TRHDE: variants seen among roughly 807,000 people sequenced by gnomAD.
TRHDE encodes the protein thyrotropin releasing hormone degrading enzyme.
TRHDE carries 72 observed loss-of-function variants against 125.7 expected under a neutral mutation model. The ratio of observed to expected loss-of-function variants is 0.57; its 90% CI spans 0.47 to 0.70. The LOEUF is 0.70. Among genes scored for constraint, TRHDE ranks in the 30% least tolerant of loss-of-function variants. TRHDE has a pLI of 0.00. For missense variants in TRHDE, 1,110 were observed against 1,327.1 expected (o/e 0.84, Z 2.54); for synonymous variants, 509 against 509.1 (o/e 1.00, Z 0.00).
intron 3 of TRHDE, among the ~76,000 whole-genome samples, chr12:72,466,039 A>G (rs1284448628): frequency 1.3e-5 from 2 of 152,066 alleles, no homozygotes; most frequent in Admixed American, 6.5e-5. Flanking sequence ...TTGATCTGTA[A>G]TCTTGTTACC....
intron 2 of TRHDE, among the ~76,000 whole-genome samples, chr12:72,196,553 G>A (rs1877446563): frequency 6.6e-6 from 1 of 152,014 alleles, no homozygotes; most frequent in African/African-American, 2.4e-5. Context: ...GTACAGAAAT[G>A]CTACTGCTTT....
At chr12:72,194,230 T>C (rs1344059045) in intron 2 of TRHDE, among the ~76,000 whole-genome samples, 1 of 152,144 alleles carries the variant, frequency 6.6e-6, no homozygotes, top group Non-Finnish European at 1.5e-5. Context: ...AGAAAGATTA[T>C]TGATGTTGAT....
intron 2 of TRHDE, among the ~76,000 whole-genome samples, chr12:72,265,703 A>G (rs899924782): frequency 3.9e-5 from 6 of 151,962 alleles, no homozygotes; most frequent in Middle Eastern, 3.2e-3. Flanking sequence ...AATTATAATT[A>G]TTGTTGTATA....
intron 2 of TRHDE, among the ~76,000 whole-genome samples, chr12:72,242,755 T>A (rs1878507348): frequency 6.6e-6 from 1 of 152,214 alleles, no homozygotes; most frequent in Non-Finnish European, 1.5e-5. Flanking sequence ...TGACTGGTAC[T>A]ACTCACTCAA....
At chr12:72,404,430 A>T (rs1481719572) in intron 3 of TRHDE, among the ~76,000 whole-genome samples, 2 of 152,124 alleles carry the variant, frequency 1.3e-5, no homozygotes, top group East Asian at 3.9e-4. Context: ...ACAGAGTGAG[A>T]TTCTGTCTCA....
intron 2 of TRHDE, among the ~76,000 whole-genome samples, chr12:72,206,782 CTTTAT>C (rs1044839899): frequency 5.9e-5 from 9 of 151,736 alleles, no homozygotes; most frequent in Non-Finnish European, 1.0e-4. Context: ...TGTGTAATAG[CTTTAT>C]TTTAACATGA....
chr12:72,106,300 T>G (rs1875186086), intron 2 of TRHDE, among the ~76,000 whole-genome samples: 1 of 152,148 alleles, frequency 6.6e-6, no homozygotes, highest in Non-Finnish European at 1.5e-5. Flanking sequence ...AGTTTAAACG[T>G]TGTAAATCTA....
chr12:72,561,314 A>C, intron 7 of TRHDE, among the ~76,000 whole-genome samples: 1 of 137,984 alleles, frequency 7.2e-6, no homozygotes, highest in African/African-American at 3.2e-5. Context: ...ATAATTTAGG[A>C]TTTTGTCTAC....
In TRHDE at chr12:72,352,454, C is replaced by T. The variant is rs528598862; in HGVS notation, c.1189-25541C>T. Among the ~76,000 whole-genome samples the T allele has an allele frequency of 2.0e-5, 3 of 151,812 alleles. No homozygotes were observed. In the South Asian group the frequency reaches 6.2e-4, roughly 32 times the overall value. Reference sequence around the variant, plus strand: ...GAGTGGTATATGGAAATGGTGGTGCCTGGCTGTGATACCCACTTCCCCATT... The same window carrying T: ...GAGTGGTATATGGAAATGGTGGTGCTTGGCTGTGATACCCACTTCCCCATT... On this transcript the variant is annotated intron_variant, in intron 2 of 18. Transcript: ENST00000261180.
At chr12:72,662,870 T>TATGGTGGGCGTCTGTAGTCC (rs1565827281) in intron 18 of TRHDE, among the ~76,000 whole-genome samples, 182 bp from the exon 19 acceptor site, 7 of 150,270 alleles carry the variant, frequency 4.7e-5, no homozygotes, top group African/African-American at 1.8e-4. Flanking sequence ...ACATAATCTG[T>TATGGTGGGCGTCTGTAGTCC]CATATTTCAT....
At chr12:72,510,240 C>G (rs964244020) in intron 6 of TRHDE, among the ~76,000 whole-genome samples, 1 of 152,152 alleles carries the variant, frequency 6.6e-6, no homozygotes, top group African/African-American at 2.4e-5. Flanking sequence ...TATATACTAA[C>G]AAATGAATAT....
intron 6 of TRHDE, among the ~76,000 whole-genome samples, chr12:72,515,437 T>C (rs920862485): frequency 6.6e-5 from 10 of 151,882 alleles, no homozygotes; most frequent in Non-Finnish European, 1.0e-4. Context: ...AAATGTCTTC[T>C]TTTGAGAAGT....
At chr12:72,617,605 T>C (rs1373813000) in intron 12 of TRHDE, among the ~76,000 whole-genome samples, 1 of 146,064 alleles carries the variant, frequency 6.8e-6, no homozygotes, top group Non-Finnish European at 1.5e-5. Flanking sequence ...CTCTTCCCTA[T>C]GTTAACAGTC....
At chr12:72,637,617 T>C (rs1371133653) in intron 15 of TRHDE, among the ~76,000 whole-genome samples, 2 of 152,096 alleles carry the variant, frequency 1.3e-5, no homozygotes, top group African/African-American at 2.4e-5. Flanking sequence ...TTTGGATCTT[T>C]CCTGCTTTCT....
chr12:72,104,955 G>A (rs1305150614), intron 1 of TRHDE, among the ~76,000 whole-genome samples: 5 of 152,130 alleles, frequency 3.3e-5, no homozygotes, highest in Admixed American at 1.3e-4. Context: ...TTTCCATAGA[G>A]TTGGGACCAT....
At chr12:72,170,745 G>A (rs1163590093) in intron 2 of TRHDE, among the ~76,000 whole-genome samples, 4 of 152,156 alleles carry the variant, frequency 2.6e-5, no homozygotes, top group Non-Finnish European at 5.9e-5. Flanking sequence ...AATCTTGTGT[G>A]CATGTAGTAG....
At chr12:72,428,519 A>G (rs139986896) in intron 3 of TRHDE, among the ~76,000 whole-genome samples, 1 of 152,264 alleles carries the variant, frequency 6.6e-6, no homozygotes, top group East Asian at 1.9e-4. Context: ...TTTTTTTAAT[A>G]TAACAGCTTT....
intron 3 of TRHDE, among the ~76,000 whole-genome samples, chr12:72,382,825 A>T (rs1286683331): frequency 6.6e-6 from 1 of 152,074 alleles, no homozygotes. Flanking sequence ...TTTCTCCCTG[A>T]ATTCTTTTTT....
At chr12:72,658,440 T>C (rs1023864707) in intron 18 of TRHDE, among the ~76,000 whole-genome samples, 2 of 152,120 alleles carry the variant, frequency 1.3e-5, no homozygotes, top group African/African-American at 4.8e-5. Flanking sequence ...GCTTCCTTCG[T>C]TCTCTGTGCT....
Sources: allele counts gnomAD v4.1 joint callset (sites outside exome capture counted in the v4.1 genomes callset), GRCh38; gene constraint gnomAD v4.1.1; transcripts MANE v1.5; gene names NCBI Gene and HGNC (gene_info 2026-07-23, HGNC 2026-07-21).